Variants in TENM1 observed in about 807,000 individuals in gnomAD.
TENM1 encodes the protein teneurin-1.
A neutral mutation model predicts 174.8 loss-of-function variants in TENM1; 35 were observed. The observed-to-expected ratio is 0.20, with a 90% CI of 0.15 to 0.27. TENM1 has a LOEUF of 0.27. Among genes scored for constraint, TENM1 ranks in the 10% least tolerant of loss-of-function variants. TENM1 has a pLI of 1.00. For synonymous variants in TENM1, 781 were observed against 798.7 expected, an observed-to-expected ratio of 0.98 and a Z score of 0.37; for missense variants, 1,633 against 2,130.1, an observed-to-expected ratio of 0.77 and a Z score of 4.59.
At chrX:124,456,454 C>T (rs1233104697) in intron 22 of TENM1, among the ~76,000 whole-genome samples, 2 of 111,895 alleles carry the variant, frequency 1.8e-5, no homozygotes, top group African/African-American at 6.5e-5. Context: ...CACATAAATT[C>T]CCCAAACAAC....
intron 6 of TENM1, among the ~76,000 whole-genome samples, chrX:124,667,586 T>A (rs1461132184): frequency 6.0e-5 from 6 of 100,237 alleles, no homozygotes; most frequent in African/African-American, 2.2e-4. Context: ...TGAGACTCCA[T>A]CTCAAAAAAA....
chrX:124,520,178 G>A (rs1174901358), intron 18 of TENM1, among the ~76,000 whole-genome samples: 1 of 111,998 alleles, frequency 8.9e-6, no homozygotes, highest in Non-Finnish European at 1.9e-5. Context: ...AGAAATGACA[G>A]TCTAAATGTC....
chrX:124,765,557 CATA>C (rs1360418363), intron 3 of TENM1, among the ~76,000 whole-genome samples: 2 of 111,808 alleles, frequency 1.8e-5, no homozygotes, highest in Admixed American at 1.9e-4. Flanking sequence ...ATAGGTAGTT[CATA>C]ATAATATTTT....
chrX:124,518,213 C>A (rs998516993), intron 18 of TENM1, among the ~76,000 whole-genome samples: 6 of 110,241 alleles, frequency 5.4e-5, no homozygotes, highest in Non-Finnish European at 7.6e-5. Flanking sequence ...ATGTAGTCTG[C>A]AGTAAAGCGG....
intron 3 of TENM1, among the ~76,000 whole-genome samples, chrX:124,841,051 A>G (rs1055378789): frequency 8.9e-6 from 1 of 111,857 alleles, no homozygotes; most frequent in Non-Finnish European, 1.9e-5. Context: ...CATGGAAAAG[A>G]TATTTCTATG....
chrX:124,691,441 C>A (rs2148472045), intron 5 of TENM1, among the ~76,000 whole-genome samples: 1 of 112,259 alleles, frequency 8.9e-6, no homozygotes, highest in East Asian at 2.8e-4. Flanking sequence ...ACTAAGACGT[C>A]ATTTCTAACC....
intron 1 of TENM1, among the ~76,000 whole-genome samples, chrX:124,943,490 AT>A (rs1210533068): frequency 1.8e-5 from 2 of 112,276 alleles, no homozygotes; most frequent in East Asian, 2.8e-4. Flanking sequence ...AAAAGCCAAA[AT>A]AAAAAAGCTA....
intron 1 of TENM1, among the ~76,000 whole-genome samples, chrX:124,900,020 T>C (rs2057631052): frequency 8.9e-6 from 1 of 112,546 alleles, no homozygotes; most frequent in Non-Finnish European, 1.9e-5. Context: ...AAGCCATACT[T>C]ACCAAAAGAG....
intron 5 of TENM1, among the ~76,000 whole-genome samples, chrX:124,702,795 T>A (rs1210674851): frequency 2.7e-5 from 3 of 111,392 alleles, no homozygotes; most frequent in African/African-American, 9.8e-5. Flanking sequence ...TTTCCCCATT[T>A]ATAAAATACA....
the TENM1 span, among the ~76,000 whole-genome samples, chrX:125,116,030 G>A: frequency 8.9e-6 from 1 of 111,793 alleles, no homozygotes; most frequent in African/African-American, 3.3e-5. Context: ...CAGCATGGTA[G>A]TGGTACCAAA....
intron 3 of TENM1, among the ~76,000 whole-genome samples, chrX:124,841,750 C>T (rs1243533345): frequency 6.3e-5 from 7 of 111,517 alleles, no homozygotes; most frequent in Non-Finnish European, 1.9e-5. Flanking sequence ...TGCTCTCAAA[C>T]CACTGTCCAC....
At chrX:124,644,803 C>CA (rs1175814407) in intron 10 of TENM1, among the ~76,000 whole-genome samples, 2 of 111,726 alleles carry the variant, frequency 1.8e-5, no homozygotes, top group Admixed American at 1.9e-4. Flanking sequence ...TGAGATGTAG[C>CA]ATAATGCATT....
intron 5 of TENM1, among the ~76,000 whole-genome samples, chrX:124,697,000 C>T (rs1258728148): frequency 9.0e-6 from 1 of 110,925 alleles, no homozygotes; most frequent in Non-Finnish European, 1.9e-5. Flanking sequence ...TATATGCTAG[C>T]CTACAGTTCC....
intron 3 of TENM1, among the ~76,000 whole-genome samples, chrX:124,832,885 T>C (rs1369280263): frequency 8.9e-6 from 1 of 112,531 alleles, no homozygotes; most frequent in Non-Finnish European, 1.9e-5. Context: ...AGAAAGCCTT[T>C]GAAACAATGT....
At chrX:125,143,497 AT>A in the TENM1 span, among the ~76,000 whole-genome samples, 17 of 111,873 alleles carry the variant, frequency 1.5e-4, no homozygotes, top group Non-Finnish European at 2.8e-4. Context: ...ATGGAAACTA[AT>A]GTTAGCTACT....
intron 28 of TENM1, 140 bp downstream of exon 31, chrX:124,391,912 C>T (rs1380589730): frequency 1.9e-5 from 10 of 518,219 alleles, no homozygotes; most frequent in South Asian, 1.9e-4. Context: ...AGTTCAACAT[C>T]TTTTTGTTAC....
chrX:124,548,684 C>T (rs995046449), intron 14 of TENM1, among the ~76,000 whole-genome samples: 4 of 111,600 alleles, frequency 3.6e-5, no homozygotes, highest in Non-Finnish European at 5.6e-5. Flanking sequence ...GATGGATCAC[C>T]GTCTCCTTAA....
rs760843746 is a variant in TENM1 at position 124,715,972 on chromosome X, A to C, written c.777-10721T>G. Among the ~76,000 whole-genome samples, 4 of 112,128 alleles carry C rather than the reference A, an allele frequency of 3.6e-5. No individual in the cohort carries two copies. In the East Asian group the frequency reaches 1.1e-3, roughly 31 times the overall value. ...GACAGAGCCTAAGAGTTTCTCACTA[A>C]ACACTTCAGGTTGAAAATCTAGATC... is the stretch of plus-strand genomic sequence containing the variant. On this transcript the variant is annotated intron_variant, in intron 4 of 31. Coordinates refer to ENST00000422452, the Ensembl canonical transcript of TENM1.
At chrX:125,188,199 G>A in the TENM1 span, among the ~76,000 whole-genome samples, 1 of 110,411 alleles carries the variant, frequency 9.1e-6, no homozygotes, top group Admixed American at 9.7e-5. Flanking sequence ...CAGGCATTGT[G>A]CTGTGTGCCT....
Sources: allele counts gnomAD v4.1 joint callset (sites outside exome capture counted in the v4.1 genomes callset), GRCh38; gene constraint gnomAD v4.1.1; transcripts MANE v1.5; gene names NCBI Gene and HGNC (gene_info 2026-07-23, HGNC 2026-07-21).